PRKCA: variants seen among roughly 807,000 people sequenced by gnomAD.
The protein encoded by PRKCA is protein kinase C alpha type.
A neutral mutation model predicts 87.0 loss-of-function variants in PRKCA; 27 were observed. The ratio of observed to expected loss-of-function variants is 0.31; its 90% CI spans 0.23 to 0.43. PRKCA has a LOEUF of 0.43. Ranked by LOEUF, PRKCA falls within the 20% of genes least tolerant of loss-of-function variation. The pLI, the probability that PRKCA is intolerant of heterozygous loss-of-function variation, is 1.00. For missense variants in PRKCA, 518 were observed against 852.3 expected, an observed-to-expected ratio of 0.61 and a Z score of 4.88; for synonymous variants, 329 against 311.1, an observed-to-expected ratio of 1.06 and a Z score of -0.61.
At chr17:66,395,343 C>T (rs1407247143) in intron 2 of PRKCA, among the ~76,000 whole-genome samples, 1 of 152,184 alleles carries the variant, frequency 6.6e-6, no homozygotes, top group African/African-American at 2.4e-5. Flanking sequence ...GGGAAACTAA[C>T]TTAATGTAAC....
At chr17:66,602,664 A>C (rs1414617196) in intron 3 of PRKCA, among the ~76,000 whole-genome samples, 1 of 152,224 alleles carries the variant, frequency 6.6e-6, no homozygotes, top group African/African-American at 2.4e-5. Context: ...TAGTATAGCC[A>C]CTGTAGAATG....
At chr17:66,698,677 A>G (rs1026443751) in intron 8 of PRKCA, among the ~76,000 whole-genome samples, 2 of 152,160 alleles carry the variant, frequency 1.3e-5, no homozygotes, top group Non-Finnish European at 2.9e-5. Flanking sequence ...GAAAGCTTAT[A>G]TAAAGAAATG....
At chr17:66,574,814 TTAATA>T (rs1969186222) in intron 3 of PRKCA, among the ~76,000 whole-genome samples, 1 of 152,066 alleles carries the variant, frequency 6.6e-6, no homozygotes, top group Non-Finnish European at 1.5e-5. Context: ...TTCTTATGCA[TTAATA>T]TGTCTGATCC....
At chr17:66,577,536 G>A (rs1444114955) in intron 3 of PRKCA, among the ~76,000 whole-genome samples, 1 of 152,044 alleles carries the variant, frequency 6.6e-6, no homozygotes, top group African/African-American at 2.4e-5. Context: ...CTCTTTTTCT[G>A]CAGGCCATGA....
chr17:66,415,710 T>G (rs1912098679), intron 2 of PRKCA: 1 of 152,212 alleles, frequency 6.6e-6, no homozygotes, highest in South Asian at 2.1e-4. Flanking sequence ...CGAAGTGCCC[T>G]GGGGTCTGTT....
At chr17:66,304,312 C>T (rs1051087763) in intron 1 of PRKCA, among the ~76,000 whole-genome samples, 2 of 152,198 alleles carry the variant, frequency 1.3e-5, no homozygotes, top group South Asian at 2.1e-4. Flanking sequence ...CCCAGATCCC[C>T]GTCACCACAC....
intron 5 of PRKCA, among the ~76,000 whole-genome samples, chr17:66,649,167 C>G (rs866108479): frequency 5.3e-5 from 8 of 151,540 alleles, no homozygotes; most frequent in Admixed American, 6.6e-5. Context: ...TTTTAAAGAG[C>G]CAAATAGAAG....
At chr17:66,541,110 C>G (rs1354877983) in intron 3 of PRKCA, among the ~76,000 whole-genome samples, 2 of 152,174 alleles carry the variant, frequency 1.3e-5, no homozygotes, top group African/African-American at 4.8e-5. Flanking sequence ...AGTAGACTCT[C>G]AAATGAGTCT....
chr17:66,440,731 C>A (rs927978734), intron 2 of PRKCA, among the ~76,000 whole-genome samples: 3 of 152,088 alleles, frequency 2.0e-5, no homozygotes, highest in African/African-American at 7.2e-5. Flanking sequence ...AAGATCCCAG[C>A]ACTTAAAAGA....
chr17:66,390,698 A>T (rs2143635242), intron 2 of PRKCA, among the ~76,000 whole-genome samples: 1 of 152,330 alleles, frequency 6.6e-6, no homozygotes, highest in African/African-American at 2.4e-5. Context: ...CCTGGGGTGC[A>T]CAAAAGGAGC....
At chr17:66,426,829 T>C (rs1029548368) in intron 2 of PRKCA, among the ~76,000 whole-genome samples, 29 of 152,166 alleles carry the variant, frequency 1.9e-4, no homozygotes, top group African/African-American at 5.8e-4. Flanking sequence ...TGCGTGCATG[T>C]ATCTCCTGGA....
intron 2 of PRKCA, among the ~76,000 whole-genome samples, chr17:66,469,266 T>C (rs1047573712): frequency 6.6e-6 from 1 of 152,220 alleles, no homozygotes; most frequent in Non-Finnish European, 1.5e-5. Context: ...AAGGCTTGCT[T>C]GGAACACATT....
At chr17:66,775,306 C>T (rs891172421) in intron 14 of PRKCA, 6 of 985,274 alleles carry the variant, frequency 6.1e-6, no homozygotes, top group South Asian at 4.7e-5. Context: ...CAGATTTCTC[C>T]GCTAATTCCT....
At chr17:66,418,512 T>G (rs6504430) in intron 2 of PRKCA, among the ~76,000 whole-genome samples, 1 of 149,878 alleles carries the variant, frequency 6.7e-6, no homozygotes, top group Non-Finnish European at 1.5e-5. Context: ...CTCAGCTCAC[T>G]GCAACCTCTG....
intron 5 of PRKCA, among the ~76,000 whole-genome samples, chr17:66,654,984 C>T (rs1402227768): frequency 6.6e-6 from 1 of 152,232 alleles, no homozygotes; most frequent in Non-Finnish European, 1.5e-5. Flanking sequence ...AGTTCTTCCC[C>T]ATTGGAGACT....
chr17:66,323,970 G>A (rs1905827757), intron 2 of PRKCA, among the ~76,000 whole-genome samples: 2 of 151,952 alleles, frequency 1.3e-5, no homozygotes, highest in South Asian at 4.1e-4. Flanking sequence ...AATCGTTATA[G>A]CCATTTACTT....
At chr17:66,305,801 T>C (rs1904783244) in intron 1 of PRKCA, among the ~76,000 whole-genome samples, 1 of 152,214 alleles carries the variant, frequency 6.6e-6, no homozygotes, top group Non-Finnish European at 1.5e-5. Context: ...AGTTTGAATA[T>C]ACAGTCATGT....
At chr17:66,774,344 G>GGC in intron 14 of PRKCA, 1 of 1,246,554 alleles carries the variant, frequency 8.0e-7, no homozygotes, top group Non-Finnish European at 1.0e-6. Context: ...ATGTTGGCCA[G>GGC]GCGCGGTGGC....
intron 2 of PRKCA, among the ~76,000 whole-genome samples, chr17:66,467,256 G>A (rs1420245298): frequency 6.6e-6 from 1 of 152,146 alleles, no homozygotes; most frequent in African/African-American, 2.4e-5. Context: ...TAAATCTCAG[G>A]AATTCCAAAG....
Sources: gnomAD v4.1 joint callset for allele counts (sites outside exome capture counted in the v4.1 genomes callset) on GRCh38, gnomAD v4.1.1 for gene constraint, MANE v1.5 for transcripts, NCBI Gene and HGNC (gene_info 2026-07-23, HGNC 2026-07-21) for gene names.